Variants in ME3 observed in about 807,000 individuals in gnomAD.
ME3 encodes the protein malic enzyme 3.
In ME3, 48 loss-of-function variants were observed where a neutral mutation model predicts 68.9. The observed-to-expected ratio is 0.70, with a 90% CI of 0.55 to 0.89. The LOEUF (loss-of-function observed/expected upper bound fraction) is 0.89, where lower values mean the gene tolerates loss of function less well. ME3 is among the 40% of genes least tolerant of loss of function. The pLI, the probability that ME3 is intolerant of heterozygous loss-of-function variation, is 0.00. For synonymous variants in ME3, 320 were observed against 318.8 expected (o/e 1.00, Z -0.04); for missense variants, 675 against 797.4 (o/e 0.85, Z 1.85).
At chr11:86,573,040 G>C (rs1036216402) in intron 2 of ME3, among the ~76,000 whole-genome samples, 1 of 151,250 alleles carries the variant, frequency 6.6e-6, no homozygotes, top group Non-Finnish European at 1.5e-5. Flanking sequence ...GTGATGTTTA[G>C]CTTTTTCTCA....
intron 2 of ME3, among the ~76,000 whole-genome samples, chr11:86,647,552 G>T (rs1474151639): frequency 6.6e-6 from 1 of 151,528 alleles, no homozygotes; most frequent in African/African-American, 2.4e-5. Flanking sequence ...ATAAAGGGAT[G>T]GAGGAAGATT....
intron 4 of ME3, among the ~76,000 whole-genome samples, chr11:86,549,704 A>T (rs1956568801): frequency 6.6e-6 from 1 of 152,178 alleles, no homozygotes; most frequent in Non-Finnish European, 1.5e-5. Flanking sequence ...TACATGAGGG[A>T]GTCAAGAGGA....
intron 4 of ME3, among the ~76,000 whole-genome samples, chr11:86,536,598 A>C (rs1263632346): frequency 1.4e-4 from 20 of 144,006 alleles, no homozygotes; most frequent in African/African-American, 5.0e-4. Context: ...ACCATCTCAC[A>C]CCAGTTAGAA....
At chr11:86,557,324 A>G (rs1956984131) in intron 3 of ME3, among the ~76,000 whole-genome samples, 1 of 152,106 alleles carries the variant, frequency 6.6e-6, no homozygotes, top group Non-Finnish European at 1.5e-5. Flanking sequence ...AGAGGCTTCC[A>G]TTCAGACTCC....
rs1176875448 is a variant in ME3 at position 86,655,965 on chromosome 11, A to G, written c.183+15797T>C. Among the ~76,000 whole-genome samples the G allele has an allele frequency of 5.9e-3, 901 of 151,986 alleles. 14 individuals carry two copies. The highest frequency in any genetic ancestry group is 0.02 in the African/African-American group (833 of 41,408). Reference sequence around the variant, plus strand: ...ACATGAACAGACACTTCTCAAAAGAAGACATTTATGCAGCCAAAAGACACA... The same window carrying G: ...ACATGAACAGACACTTCTCAAAAGAGGACATTTATGCAGCCAAAAGACACA... On this transcript the variant is annotated intron_variant, in intron 2 of 14. Transcript: ENST00000543262.
chr11:86,494,400 G>C (rs1043494391), intron 6 of ME3, among the ~76,000 whole-genome samples: 4 of 152,188 alleles, frequency 2.6e-5, no homozygotes, highest in African/African-American at 9.7e-5. Flanking sequence ...TCCAATCCCA[G>C]CTCTGATACT....
At chr11:86,457,391 C>T in intron 8 of ME3, 1 of 584,494 alleles carries the variant, frequency 1.7e-6, no homozygotes, top group South Asian at 6.7e-5. Flanking sequence ...CCAAGTACCT[C>T]CAGGTGGCCA....
chr11:86,573,860 A>C (rs1481192380), intron 2 of ME3, among the ~76,000 whole-genome samples: 2 of 152,170 alleles, frequency 1.3e-5, no homozygotes, highest in Non-Finnish European at 2.9e-5. Context: ...AATTTTATTG[A>C]AGGCCTTTTC....
chr11:86,671,217 G>A (rs756918908), intron 2 of ME3, among the ~76,000 whole-genome samples: 7 of 152,166 alleles, frequency 4.6e-5, no homozygotes, highest in Non-Finnish European at 8.8e-5. Context: ...CTGCAAGCTC[G>A]AAAATTTCTA....
At chr11:86,482,483 C>T (rs1229816054) in intron 7 of ME3, among the ~76,000 whole-genome samples, 1 of 151,672 alleles carries the variant, frequency 6.6e-6, no homozygotes, top group Non-Finnish European at 1.5e-5. Context: ...ATTCCTCATC[C>T]TACCCAGGCT....
rs1216396774 is a variant in ME3 at position 86,514,593 on chromosome 11, G to T, written c.468-5726C>A. ...AGAGAGAATGTAGCATAGACTAGGG[G>T]TTTAATGTATGTGCTTTGCAAATGC... On this transcript the variant is annotated intron_variant, in intron 4 of 14. Coordinates refer to ENST00000543262, the Ensembl canonical transcript of ME3. 2.6e-5 allele frequency among the ~76,000 whole-genome samples: 4 copies of T among 152,196 alleles called. No homozygotes were observed. In the East Asian group the frequency reaches 7.7e-4, roughly 29 times the overall value.
chr11:86,584,309 A>C (rs1438338276), intron 2 of ME3, among the ~76,000 whole-genome samples: 2 of 152,176 alleles, frequency 1.3e-5, no homozygotes, highest in Non-Finnish European at 2.9e-5. Context: ...AAAAAAACAA[A>C]AGGTAACAAG....
chr11:86,440,589 G>A (rs1948937841), downstream of ME3, among the ~76,000 whole-genome samples: 1 of 151,988 alleles, frequency 6.6e-6, no homozygotes, highest in Non-Finnish European at 1.5e-5. Flanking sequence ...TTTCCTTTTA[G>A]AAAAAAGAAT....
intron 10 of ME3, 142 bp from the exon 11 acceptor site, chr11:86,448,397 C>T: frequency 3.1e-6 from 2 of 640,128 alleles, no homozygotes; most frequent in East Asian, 5.5e-5. Context: ...GGCCCATCTT[C>T]TTGACTACAT....
intron 2 of ME3, among the ~76,000 whole-genome samples, chr11:86,577,308 C>T (rs958787422): frequency 1.3e-5 from 2 of 152,180 alleles, no homozygotes; most frequent in African/African-American, 4.8e-5. Flanking sequence ...CTCCTAGGGT[C>T]CTCACAGCAC....
At chr11:86,531,408 A>G (rs946444117) in intron 4 of ME3, among the ~76,000 whole-genome samples, 2 of 152,192 alleles carry the variant, frequency 1.3e-5, no homozygotes, top group African/African-American at 4.8e-5. Context: ...GTGGGACTGT[A>G]AACTAGTTCA....
intron 5 of ME3, among the ~76,000 whole-genome samples, chr11:86,505,490 A>G (rs1003313549): frequency 6.6e-6 from 1 of 152,358 alleles, no homozygotes; most frequent in South Asian, 2.1e-4. Flanking sequence ...AAAATGTTGG[A>G]AAACCACTAA....
chr11:86,661,190 G>C (rs73514360), intron 2 of ME3, among the ~76,000 whole-genome samples: 1 of 152,204 alleles, frequency 6.6e-6, no homozygotes, highest in Non-Finnish European at 1.5e-5. Flanking sequence ...GTACACTAAG[G>C]CCAAATGTGG....
At chr11:86,621,845 G>A (rs1199197112) in intron 2 of ME3, among the ~76,000 whole-genome samples, 1 of 151,934 alleles carries the variant, frequency 6.6e-6, no homozygotes, top group Admixed American at 6.6e-5. Context: ...TGTGTTAAAT[G>A]CACTTTTATA....
Sources: gnomAD v4.1 joint callset for allele counts (sites outside exome capture counted in the v4.1 genomes callset) on GRCh38, gnomAD v4.1.1 for gene constraint, MANE v1.5 for transcripts, NCBI Gene and HGNC (gene_info 2026-07-23, HGNC 2026-07-21) for gene names.